OAF: variants seen among roughly 807,000 people sequenced by gnomAD.
OAF encodes out at first homolog, also known as out at first protein homolog.
In OAF, 13 loss-of-function variants were observed where a neutral mutation model predicts 22.5. That is an observed-to-expected ratio of 0.58 (90% CI 0.38 to 0.92). The LOEUF is 0.92. Among genes scored for constraint, OAF ranks in the 40% least tolerant of loss-of-function variants. The pLI is 0.00. For missense variants in OAF, 347 were observed against 381.8 expected (o/e 0.91, Z 0.76); for synonymous variants, 175 against 170.5 (o/e 1.03, Z -0.21).
At chr11:120,227,076 C>G (rs942732175) in intron 3 of OAF, 80 bp downstream of exon 3, 1 of 961,502 alleles carries the variant, frequency 1.0e-6, no homozygotes, top group African/African-American at 1.6e-5. Context: ...TGGAGGAGGG[C>G]AGGGGCATCA....
chr11:120,223,328 G>A (rs1407288249), intron 1 of OAF, among the ~76,000 whole-genome samples: 3 of 152,204 alleles, frequency 2.0e-5, no homozygotes, highest in African/African-American at 7.2e-5. Flanking sequence ...AGTCCATGAC[G>A]TTGAACAGGT....
At chr11:120,213,708 GC>G (rs1938179015) in intron 1 of OAF, 1 of 152,110 alleles carries the variant, frequency 6.6e-6, no homozygotes, top group African/African-American at 2.4e-5. Context: ...AGTTCTCAAG[GC>G]CCCATGCCTC....
chr11:120,220,026 A>C (rs11217770), intron 1 of OAF, among the ~76,000 whole-genome samples: 37,439 of 152,138 alleles, frequency 0.25, 5,198 homozygotes, highest in Middle Eastern at 0.34. Flanking sequence ...TCACCATGTG[A>C]ATAGGCTAGA....
At chr11:120,222,965 C>T (rs1248475312) in intron 1 of OAF, among the ~76,000 whole-genome samples, 3 of 152,130 alleles carry the variant, frequency 2.0e-5, no homozygotes, top group Non-Finnish European at 2.9e-5. Flanking sequence ...GGCAGGCAGG[C>T]GGGTTAGAAG....
chr11:120,227,329 A>G (rs1189698109), intron 3 of OAF, among the ~76,000 whole-genome samples: 1 of 152,124 alleles, frequency 6.6e-6, no homozygotes, highest in East Asian at 1.9e-4. Context: ...TTCCTGGAGG[A>G]AATGGAGCCT....
chr11:120,222,123 C>T (rs1938287151), intron 1 of OAF, among the ~76,000 whole-genome samples: 1 of 152,148 alleles, frequency 6.6e-6, no homozygotes, highest in South Asian at 2.1e-4. Context: ...AGAACCTTGC[C>T]AGGGAGTCTG....
At chr11:120,212,499 TCCTTCCC>T (rs1180358575) in intron 1 of OAF, among the ~76,000 whole-genome samples, 1 of 151,938 alleles carries the variant, frequency 6.6e-6, no homozygotes, top group East Asian at 1.9e-4. Context: ...GCGTTCTGTC[TCCTTCCC>T]CCAGCTAAAG....
At chr11:120,228,684 C>G (rs1938393363) in intron 3 of OAF, among the ~76,000 whole-genome samples, 184 bp from the exon 4 acceptor site, 1 of 152,170 alleles carries the variant, frequency 6.6e-6, no homozygotes, top group South Asian at 2.1e-4. Context: ...ACGAGCCCAG[C>G]AAGGAGGAGC....
Position 120,211,062 on chromosome 11 carries a change from G to A in OAF, c.-218G>A, listed in dbSNP as rs1298284791. The stretch of plus-strand genomic sequence containing the variant: ...AGCCCGGGGCCGCGGAGCCGGGCCG[G>A]GGCAGCGCCGTCTCCGCCTCGGGGC... On this transcript the variant is annotated 5_prime_UTR_variant, in exon 1 of 4. Coordinates refer to ENST00000328965, the MANE Select transcript of OAF (RefSeq NM_178507.4). 5.6e-6 allele frequency: 1 copy of A among 178,284 alleles called. No homozygotes were observed. Among genetic ancestry groups the A allele is most frequent in the Non-Finnish European group, 1.2e-5 (1 of 86,426 alleles). The allele number at this position is 178,284 out of a possible 1,614,324, so 11.0% of individuals were successfully genotyped here. A position where few individuals can be genotyped will look rare whatever the true frequency, so the allele number is the denominator to read the frequency against.
Position 120,225,181 on chromosome 11 carries a change from C to G in OAF, c.232-480C>G, listed in dbSNP as rs1029199350. 3.3e-5 allele frequency among the ~76,000 whole-genome samples: 5 copies of G among 152,220 alleles called. No homozygotes were observed. In the East Asian group the frequency reaches 9.7e-4, roughly 29 times the overall value. Reference sequence around the variant, plus strand: ...CACTCAGTGGTCGGTGGCCAGGAGCCTGGCCAATCAGAAGCACCAAGGGCA... The same window carrying G: ...CACTCAGTGGTCGGTGGCCAGGAGCGTGGCCAATCAGAAGCACCAAGGGCA... On this transcript the variant is annotated intron_variant, in intron 1 of 3. Transcript: ENST00000328965.
At chr11:120,218,927 G>C (rs374826422) in intron 1 of OAF, among the ~76,000 whole-genome samples, 81 of 152,310 alleles carry the variant, frequency 5.3e-4, no homozygotes, top group African/African-American at 1.6e-3. Flanking sequence ...GACCGGGCAG[G>C]CTGGAGCAAG....
intron 1 of OAF, among the ~76,000 whole-genome samples, chr11:120,220,057 G>A (rs1750070195): frequency 6.6e-6 from 1 of 152,216 alleles, no homozygotes; most frequent in African/African-American, 2.4e-5. Flanking sequence ...TTGAGCCAGA[G>A]GCAGGTCACA....
chr11:120,226,680 T>C, intron 2 of OAF, 136 bp from the exon 3 acceptor site: 1 of 688,818 alleles, frequency 1.5e-6, no homozygotes, highest in Non-Finnish European at 2.4e-6. Context: ...TGGAGAGGGG[T>C]GGGGCTGCCA....
At position 120,211,513 on chromosome 11, in the gene OAF, G is replaced by A; in HGVS notation, c.231+3G>A. 6.9e-7 allele frequency: 1 copy of A among 1,447,968 alleles called. No homozygotes were observed. Among genetic ancestry groups the A allele is most frequent in the Non-Finnish European group, 9.2e-7 (1 of 1,091,934 alleles). The allele number at this position is 1,447,968 out of a possible 1,614,324, so 89.7% of individuals were successfully genotyped here. On this transcript the variant is annotated splice_donor_region_variant and intron_variant, in intron 1 of 3. Coordinates refer to ENST00000328965, the MANE Select transcript of OAF (RefSeq NM_178507.4). ...CCTTCACCGCCGACTTCAAGAAGGT[G>A]AGGCGCCCTCACTCGCCGGGGTGGC...
chr11:120,212,322 G>A (rs901456737), intron 1 of OAF, among the ~76,000 whole-genome samples: 2 of 152,004 alleles, frequency 1.3e-5, no homozygotes, highest in East Asian at 1.9e-4. Flanking sequence ...AGACCAGCCC[G>A]CTCTTGGTGT....
chr11:120,226,733 C>T (rs1938361420), intron 2 of OAF, 83 bp from the exon 3 acceptor site: 1 of 1,332,064 alleles, frequency 7.5e-7, no homozygotes, highest in African/African-American at 1.5e-5. Context: ...TCAGCTTGGG[C>T]TCGCCTGACT....
chr11:120,219,605 C>T (rs115019767), intron 1 of OAF, among the ~76,000 whole-genome samples: 1 of 152,202 alleles, frequency 6.6e-6, no homozygotes, highest in Non-Finnish European at 1.5e-5. Context: ...GCAGCCTTCC[C>T]TCTGGAGACA....
At chr11:120,214,768 C>A (rs1053100544) in intron 1 of OAF, among the ~76,000 whole-genome samples, 4 of 152,232 alleles carry the variant, frequency 2.6e-5, no homozygotes, top group Non-Finnish European at 5.9e-5. Flanking sequence ...AGTCGTCAAC[C>A]CACTGGAGGA....
intron 3 of OAF, among the ~76,000 whole-genome samples, chr11:120,227,261 T>C (rs1290647632): frequency 6.6e-6 from 1 of 152,182 alleles, no homozygotes; most frequent in Non-Finnish European, 1.5e-5. Flanking sequence ...AATACCATGA[T>C]AGCTACAGGC....
Sources: gnomAD v4.1 joint callset for allele counts (sites outside exome capture counted in the v4.1 genomes callset) on GRCh38, gnomAD v4.1.1 for gene constraint, MANE v1.5 for transcripts, NCBI Gene and HGNC (gene_info 2026-07-23, HGNC 2026-07-21) for gene names.